ATXN2: variants seen among roughly 807,000 people sequenced by gnomAD.
ATXN2 encodes ataxin 2.
In ATXN2, 37 loss-of-function variants were observed where a neutral mutation model predicts 138.6. That is an observed-to-expected ratio of 0.27 (90% CI 0.21 to 0.35). ATXN2 has a LOEUF of 0.35. Ranked by LOEUF, ATXN2 falls within the 10% of genes least tolerant of loss-of-function variation. ATXN2 has a pLI of 1.00. For missense variants in ATXN2, 1,216 were observed against 1,480.3 expected, an observed-to-expected ratio of 0.82 and a Z score of 2.93; for synonymous variants, 549 against 543.7, an observed-to-expected ratio of 1.01 and a Z score of -0.13.
chr12:111,505,848 C>CA (rs1566030072), intron 14 of ATXN2, among the ~76,000 whole-genome samples: 1 of 151,978 alleles, frequency 6.6e-6, no homozygotes, highest in Non-Finnish European at 1.5e-5. Context: ...GGTAGGTACA[C>CA]AAAAGAAATG....
intron 8 of ATXN2, among the ~76,000 whole-genome samples, chr12:111,519,163 T>C (rs531712646): frequency 1.2e-4 from 18 of 152,300 alleles, no homozygotes; most frequent in Middle Eastern, 3.4e-3. Context: ...ACAGTTGAAC[T>C]ATTTCAGTGC....
chr12:111,513,765 A>C (rs1338694141), intron 10 of ATXN2, among the ~76,000 whole-genome samples: 1 of 151,888 alleles, frequency 6.6e-6, no homozygotes, highest in Non-Finnish European at 1.5e-5. Context: ...AATAAATTTT[A>C]TTATTTCCCT....
At chr12:111,533,804 G>A (rs948806404) in intron 5 of ATXN2, among the ~76,000 whole-genome samples, 1 of 152,138 alleles carries the variant, frequency 6.6e-6, no homozygotes, top group Non-Finnish European at 1.5e-5. Flanking sequence ...TGGAATTACA[G>A]GTGTGACCCA....
chr12:111,558,647 A>C (rs1882511755), intron 1 of ATXN2, among the ~76,000 whole-genome samples: 1 of 152,100 alleles, frequency 6.6e-6, no homozygotes, highest in African/African-American at 2.4e-5. Flanking sequence ...AAAATAAAAA[A>C]CTAGCCAGGC....
intron 5 of ATXN2, among the ~76,000 whole-genome samples, chr12:111,530,877 T>C (rs1354261631): frequency 4.0e-5 from 6 of 151,898 alleles, no homozygotes; most frequent in Admixed American, 3.9e-4. Flanking sequence ...TGTAATCCCA[T>C]CACTTTGGGA....
Position 111,599,129 on chromosome 12 carries a change from G to A in ATXN2, c.-95C>T, listed in dbSNP as rs1489111587. On this transcript the variant is annotated 5_prime_UTR_variant, in exon 1 of 25. Coordinates refer to ENST00000673436, the MANE Select transcript of ATXN2 (RefSeq NM_001372574.1). ...GCCGGAACGCGGCGGGGACGCGCGG[G>A]CGCCGAGCGGGGAGGCGCGGGTTGG... is the stretch of plus-strand genomic sequence containing the variant. 1 of 1,226,608 alleles carries A rather than the reference G, an allele frequency of 8.2e-7. No individual in the cohort carries two copies. Among genetic ancestry groups the A allele is most frequent in the Non-Finnish European group, 1.0e-6 (1 of 984,982 alleles). 76.0% of individuals were successfully genotyped at this position (1,226,608 alleles called of 1,614,324 possible). A position where few individuals can be genotyped will look rare whatever the true frequency, so the allele number is the denominator to read the frequency against.
At chr12:111,530,596 C>A (rs951548314) in intron 5 of ATXN2, among the ~76,000 whole-genome samples, 1 of 152,182 alleles carries the variant, frequency 6.6e-6, no homozygotes, top group East Asian at 1.9e-4. Flanking sequence ...AGGCAGATCA[C>A]GAGGTCAGGA....
intron 1 of ATXN2, among the ~76,000 whole-genome samples, chr12:111,595,817 T>C (rs1432425934): frequency 6.8e-6 from 1 of 147,394 alleles, no homozygotes; most frequent in Non-Finnish European, 1.5e-5. Context: ...CCTGGCACTT[T>C]GGGAGGCCGA....
At chr12:111,470,269 A>G in intron 19 of ATXN2, 29 bp from the exon 20 acceptor site, 3 of 1,605,906 alleles carry the variant, frequency 1.9e-6, no homozygotes, top group Non-Finnish European at 1.7e-6. Context: ...TAAAGAAAGC[A>G]CATTAACACT....
intron 20 of ATXN2, chr12:111,469,887 G>A (rs943717460): frequency 3.9e-6 from 2 of 507,606 alleles, no homozygotes; most frequent in Non-Finnish European, 6.9e-6. Flanking sequence ...TTACATTTTA[G>A]TTAAAGCAGG....
At chr12:111,597,913 C>T in intron 1 of ATXN2, 1 of 1,275,232 alleles carries the variant, frequency 7.8e-7, no homozygotes, top group East Asian at 5.6e-5. Context: ...AGCCCTCACC[C>T]ACCGATGTTC....
At chr12:111,596,475 G>A (rs907825695) in intron 1 of ATXN2, among the ~76,000 whole-genome samples, 4 of 151,982 alleles carry the variant, frequency 2.6e-5, no homozygotes, top group East Asian at 1.9e-4. Context: ...TTGTCAAACC[G>A]AATGCTGCAT....
At chr12:111,488,272 A>G (rs1161966755) in intron 15 of ATXN2, among the ~76,000 whole-genome samples, 1 of 152,130 alleles carries the variant, frequency 6.6e-6, no homozygotes, top group Non-Finnish European at 1.5e-5. Context: ...AAAAAAGGGG[A>G]AGAACAGAAG....
intron 18 of ATXN2, chr12:111,471,491 G>A (rs1282656740): frequency 6.6e-6 from 1 of 152,064 alleles, no homozygotes; most frequent in African/African-American, 2.4e-5. Context: ...ACCTGTTTCT[G>A]GTGTGGCATT....
chr12:111,553,604 A>AAATTTTTTTTTTTTT (rs1882237738), intron 3 of ATXN2, among the ~76,000 whole-genome samples: 16 of 85,004 alleles, frequency 1.9e-4, no homozygotes, highest in African/African-American at 1.1e-3. Context: ...AAAAAAAAAA[A>AAATTTTTTTTTTTTT]TTTTTTTTTT....
chr12:111,485,135 C>T, intron 18 of ATXN2, 130 bp downstream of exon 18: 1 of 750,620 alleles, frequency 1.3e-6, no homozygotes, highest in Non-Finnish European at 2.2e-6. Flanking sequence ...TAATGTTGTT[C>T]ATCAAAAGCC....
chr12:111,540,413 A>C (rs1253496322), intron 5 of ATXN2, among the ~76,000 whole-genome samples: 1 of 150,638 alleles, frequency 6.6e-6, no homozygotes, highest in African/African-American at 2.4e-5. Context: ...TCCCACTAGC[A>C]GTGTTAAGTG....
At chr12:111,495,920 G>A (rs1878394695) in intron 14 of ATXN2, among the ~76,000 whole-genome samples, 1 of 151,130 alleles carries the variant, frequency 6.6e-6, no homozygotes, top group Admixed American at 6.6e-5. Flanking sequence ...GAAATAGGTG[G>A]ATTGCTTGAG....
intron 20 of ATXN2, among the ~76,000 whole-genome samples, chr12:111,467,307 C>CCTT (rs1876096634): frequency 2.9e-5 from 1 of 34,846 alleles, no homozygotes; most frequent in African/African-American, 1.5e-4. Context: ...CATGACTGGG[C>CCTT]TTTTTTTTTT....
Sources: allele counts gnomAD v4.1 joint callset (sites outside exome capture counted in the v4.1 genomes callset), GRCh38; gene constraint gnomAD v4.1.1; transcripts MANE v1.5; gene names NCBI Gene and HGNC (gene_info 2026-07-23, HGNC 2026-07-21).